The following MCC variants were observed in gnomAD, a reference collection of about 807,000 sequenced individuals.
MCC encodes colorectal mutant cancer protein.
In MCC, 90 loss-of-function variants were observed where a neutral mutation model predicts 116.2. That is an observed-to-expected ratio of 0.77 (90% CI 0.65 to 0.92). The LOEUF (loss-of-function observed/expected upper bound fraction) is 0.92, where lower values mean the gene tolerates loss of function less well. MCC is among the 40% of genes least tolerant of loss of function. The pLI, the probability that MCC is intolerant of heterozygous loss-of-function variation, is 0.00. For synonymous variants in MCC, 578 were observed against 510.5 expected, an observed-to-expected ratio of 1.13 and a Z score of -1.78; for missense variants, 1,516 against 1,312.2, an observed-to-expected ratio of 1.16 and a Z score of -2.40.
At chr5:113,241,868 C>A (rs1057054702) in intron 3 of MCC, among the ~76,000 whole-genome samples, 1 of 152,116 alleles carries the variant, frequency 6.6e-6, no homozygotes, top group Admixed American at 6.5e-5. Flanking sequence ...TTGACAAACA[C>A]TTGGCTCCAA....
intron 3 of MCC, among the ~76,000 whole-genome samples, chr5:113,192,511 A>G (rs77644834): frequency 0.058 from 8,869 of 152,292 alleles, 337 homozygotes; most frequent in East Asian, 0.11. Flanking sequence ...CTTCGTGTGT[A>G]CTTGTATATG....
At chr5:113,198,676 AG>A (rs1269303053) in intron 3 of MCC, among the ~76,000 whole-genome samples, 2 of 150,364 alleles carry the variant, frequency 1.3e-5, no homozygotes, top group East Asian at 3.9e-4. Context: ...ACTGCACTCC[AG>A]CCTGGGTGAC....
intron 1 of MCC, chr5:113,432,487 GAAT>G (rs1236209692): frequency 1.3e-5 from 2 of 148,822 alleles, no homozygotes; most frequent in Non-Finnish European, 3.0e-5. Context: ...TATAAAATGG[GAAT>G]AATAATAGGA....
chr5:113,289,131 G>T (rs1766379124), intron 3 of MCC, among the ~76,000 whole-genome samples: 1 of 152,092 alleles, frequency 6.6e-6, no homozygotes, highest in African/African-American at 2.4e-5. Context: ...AGGAGCTCAA[G>T]ACCAGCCTGA....
At chr5:113,341,052 G>A (rs1253552133) in intron 2 of MCC, among the ~76,000 whole-genome samples, 1 of 152,216 alleles carries the variant, frequency 6.6e-6, no homozygotes, top group Non-Finnish European at 1.5e-5. Flanking sequence ...GATTTGCACA[G>A]GGCTACTACA....
Position 113,433,351 on chromosome 5 carries a change from G to A in MCC, c.171-48139C>T, listed in dbSNP as rs563880194. On this transcript the variant is annotated intron_variant, in intron 1 of 18. Transcript: ENST00000408903. Reference sequence around the variant, plus strand: ...CCCAGCAGGGTCACGCAACTGCCCCGGGGACGATGAAAGGAGGATAAATGG... The same window carrying A: ...CCCAGCAGGGTCACGCAACTGCCCCAGGGACGATGAAAGGAGGATAAATGG... 27 of 379,802 alleles carry A rather than the reference G, an allele frequency of 7.1e-5. No homozygotes were observed. In the East Asian group the frequency reaches 2.0e-3, roughly 28 times the overall value. 23.5% of individuals were successfully genotyped at this position (379,802 alleles called of 1,614,324 possible).
At chr5:113,215,762 T>C (rs1052083413) in intron 3 of MCC, among the ~76,000 whole-genome samples, 2 of 152,212 alleles carry the variant, frequency 1.3e-5, no homozygotes, top group Non-Finnish European at 2.9e-5. Context: ...CTTTCTGTTC[T>C]TTATTAGTTG....
intron 4 of MCC, among the ~76,000 whole-genome samples, chr5:113,148,716 T>C (rs1485173667): frequency 6.6e-6 from 1 of 152,232 alleles, no homozygotes; most frequent in Admixed American, 6.5e-5. Flanking sequence ...TTTAAAGATA[T>C]AAGTCTGACT....
At chr5:113,118,892 C>G (rs1181707873) in intron 6 of MCC, among the ~76,000 whole-genome samples, 1 of 152,200 alleles carries the variant, frequency 6.6e-6, no homozygotes, top group East Asian at 1.9e-4. Flanking sequence ...TCTGGCAGAG[C>G]TGCCCCTGCC....
intron 1 of MCC, among the ~76,000 whole-genome samples, chr5:113,416,064 A>T (rs990857298): frequency 6.6e-6 from 1 of 151,696 alleles, no homozygotes; most frequent in South Asian, 2.1e-4. Flanking sequence ...CTGGAGGTCT[A>T]CTCCAGACCC....
At chr5:113,419,709 A>G (rs969827574) in intron 1 of MCC, among the ~76,000 whole-genome samples, 1 of 151,552 alleles carries the variant, frequency 6.6e-6, no homozygotes, top group East Asian at 1.9e-4. Flanking sequence ...TGATGAGTTC[A>G]TGTCCTTTGT....
At chr5:113,116,830 A>G (rs1757425103) in intron 6 of MCC, among the ~76,000 whole-genome samples, 1 of 152,220 alleles carries the variant, frequency 6.6e-6, no homozygotes, top group Non-Finnish European at 1.5e-5. Context: ...GATCCCTAGG[A>G]GAAAACACAC....
intron 3 of MCC, among the ~76,000 whole-genome samples, chr5:113,335,827 A>T (rs1441661457): frequency 6.6e-6 from 1 of 151,750 alleles, no homozygotes; most frequent in Non-Finnish European, 1.5e-5. Flanking sequence ...CATGAGAGAC[A>T]TTCTGTGTGA....
intron 1 of MCC, chr5:113,436,127 A>G (rs7727449): frequency 0.49 from 73,851 of 152,224 alleles, 20,027 homozygotes; most frequent in African/African-American, 0.74. Context: ...GAGTTAGTAG[A>G]GCTGGATGTC....
chr5:113,130,515 C>T (rs947417603), intron 5 of MCC, among the ~76,000 whole-genome samples: 1 of 152,026 alleles, frequency 6.6e-6, no homozygotes, highest in African/African-American at 2.4e-5. Flanking sequence ...TTCTTGAGAG[C>T]CTGCTATGGT....
chr5:113,037,587 G>T (rs191290990), intron 17 of MCC, among the ~76,000 whole-genome samples: 59 of 152,276 alleles, frequency 3.9e-4, no homozygotes, highest in African/African-American at 1.3e-3. Flanking sequence ...AAGCTACTTG[G>T]GAGGCTTAGG....
At chr5:113,458,639 T>C (rs1771650366) in intron 1 of MCC, among the ~76,000 whole-genome samples, 1 of 152,178 alleles carries the variant, frequency 6.6e-6, no homozygotes, top group African/African-American at 2.4e-5. Flanking sequence ...AATGTAATAG[T>C]GTGTAAGACC....
chr5:113,061,947 G>C (rs1753254949), intron 14 of MCC, among the ~76,000 whole-genome samples: 1 of 152,206 alleles, frequency 6.6e-6, no homozygotes, highest in South Asian at 2.1e-4. Flanking sequence ...TATGAAAGGG[G>C]TCTGGTGCTT....
intron 1 of MCC, among the ~76,000 whole-genome samples, chr5:113,428,398 A>C (rs1770537860): frequency 6.6e-6 from 1 of 152,164 alleles, no homozygotes; most frequent in South Asian, 2.1e-4. Context: ...TGGCTGCAGA[A>C]GGCTTATGAC....
Sources: allele counts gnomAD v4.1 joint callset (sites outside exome capture counted in the v4.1 genomes callset), GRCh38; gene constraint gnomAD v4.1.1; transcripts MANE v1.5; gene names NCBI Gene and HGNC (gene_info 2026-07-23, HGNC 2026-07-21).